The following UNC5D variants were observed in gnomAD, a reference collection of about 807,000 sequenced individuals.
The protein encoded by UNC5D is unc-5 netrin receptor D.
UNC5D carries 39 observed loss-of-function variants against 105.4 expected under a neutral mutation model. The ratio of observed to expected loss-of-function variants is 0.37; its 90% CI spans 0.29 to 0.48. UNC5D has a LOEUF of 0.48. UNC5D is among the 20% of genes least tolerant of loss of function. The pLI is 0.98. For synonymous variants in UNC5D, 452 were observed against 450.4 expected (o/e 1.00, Z -0.04); for missense variants, 991 against 1,202.4 (o/e 0.82, Z 2.60).
intron 4 of UNC5D, among the ~76,000 whole-genome samples, chr8:35,619,811 T>A (rs1821243459): frequency 6.6e-6 from 1 of 152,234 alleles, no homozygotes; most frequent in African/African-American, 2.4e-5. Context: ...GTCCCCGGAC[T>A]CCTTATCTTT....
intron 1 of UNC5D, among the ~76,000 whole-genome samples, chr8:35,324,532 ATTG>A (rs1810008545): frequency 6.6e-6 from 1 of 152,150 alleles, no homozygotes; most frequent in African/African-American, 2.4e-5. Flanking sequence ...TACATTTTTT[ATTG>A]TTTTATTGAA....
At chr8:35,590,693 G>C (rs1442613349) in intron 3 of UNC5D, among the ~76,000 whole-genome samples, 2 of 152,118 alleles carry the variant, frequency 1.3e-5, no homozygotes, top group African/African-American at 2.4e-5. Context: ...CCAGGATTTA[G>C]TCTTAACAAA....
rs1385102195 is a variant in UNC5D, at chr8:35,235,687, A to C, written c.-98A>C. On this transcript the variant is annotated 5_prime_UTR_variant, in exon 1 of 17. Transcript: ENST00000404895. ...CGTGGAGCAGAGTCACTCTCTGAAG[A>C]CTCCCGAGACCCATTCGACTCGGGA... 9.0e-6 allele frequency: 8 copies of C among 889,242 alleles called. No homozygotes were observed. The highest frequency in any genetic ancestry group is 1.2e-5 in the Non-Finnish European group (8 of 677,384). 55.1% of individuals were successfully genotyped at this position (889,242 alleles called of 1,614,324 possible).
intron 1 of UNC5D, among the ~76,000 whole-genome samples, chr8:35,440,000 G>C (rs1000511170): frequency 1.3e-5 from 2 of 151,948 alleles, no homozygotes; most frequent in Non-Finnish European, 2.9e-5. Flanking sequence ...AGATGTAAAG[G>C]TCACAAAACA....
chr8:35,590,077 T>C (rs35792503), intron 3 of UNC5D, among the ~76,000 whole-genome samples: 52 of 152,148 alleles, frequency 3.4e-4, no homozygotes, highest in Non-Finnish European at 6.9e-4. Context: ...GATTTGGTCC[T>C]TTTAGATATT....
chr8:35,377,554 A>G (rs1802775491), intron 1 of UNC5D, among the ~76,000 whole-genome samples: 1 of 152,160 alleles, frequency 6.6e-6, no homozygotes, highest in Non-Finnish European at 1.5e-5. Flanking sequence ...CTTCCTGCTG[A>G]GCAGGCTGGG....
At chr8:35,687,601 C>G (rs1166737782) in intron 7 of UNC5D, among the ~76,000 whole-genome samples, 1 of 152,084 alleles carries the variant, frequency 6.6e-6, no homozygotes, top group Non-Finnish European at 1.5e-5. Flanking sequence ...ATTACCATCA[C>G]CAAGGGACTG....
intron 1 of UNC5D, among the ~76,000 whole-genome samples, chr8:35,327,630 T>TG (rs67434887): frequency 3.4e-4 from 51 of 152,106 alleles, no homozygotes; most frequent in African/African-American, 9.2e-4. Context: ...TTATCTGTTG[T>TG]GGGGGGGGGA....
intron 15 of UNC5D, among the ~76,000 whole-genome samples, chr8:35,770,640 A>G (rs1801969144): frequency 6.6e-6 from 1 of 152,232 alleles, no homozygotes; most frequent in South Asian, 2.1e-4. Flanking sequence ...CTGGAATAAA[A>G]CAATTTTGCA....
At chr8:35,776,113 T>C (rs945586552) in intron 16 of UNC5D, among the ~76,000 whole-genome samples, 1 of 152,120 alleles carries the variant, frequency 6.6e-6, no homozygotes, top group African/African-American at 2.4e-5. Flanking sequence ...TATAACACGG[T>C]TAAAAAAGAA....
At chr8:35,636,085 C>T (rs1822352144) in intron 4 of UNC5D, among the ~76,000 whole-genome samples, 1 of 152,164 alleles carries the variant, frequency 6.6e-6, no homozygotes, top group African/African-American at 2.4e-5. Flanking sequence ...TATTTTTGCT[C>T]ATCATTAAGA....
In UNC5D at chr8:35,422,257, A is replaced by C. The variant is rs867523760; in HGVS notation, c.104-127035A>C. Among the ~76,000 whole-genome samples the C allele has an allele frequency of 1.3e-5, 2 of 152,212 alleles. 1 individual carries two copies. The highest frequency in any genetic ancestry group is 4.8e-5 in the African/African-American group (2 of 41,462). On this transcript the variant is annotated intron_variant, in intron 1 of 16. Transcript: ENST00000404895. The stretch of plus-strand genomic sequence containing the variant: ...TTAATGGGACTCTCTGGAAACACCA[A>C]CACCAAAGAACGTGCTAATAAAAAC...
chr8:35,364,152 C>T (rs553125084), intron 1 of UNC5D, among the ~76,000 whole-genome samples: 12 of 152,112 alleles, frequency 7.9e-5, no homozygotes, highest in South Asian at 2.1e-4. Flanking sequence ...GGTGACAGAG[C>T]GAGACTTTGT....
At chr8:35,327,868 G>A (rs1810294942) in intron 1 of UNC5D, among the ~76,000 whole-genome samples, 1 of 152,190 alleles carries the variant, frequency 6.6e-6, no homozygotes, top group Non-Finnish European at 1.5e-5. Context: ...GATGTTTGAG[G>A]TGGCAGCTGT....
At chr8:35,549,535 C>A in intron 2 of UNC5D, 25 bp downstream of exon 2, 6 of 1,600,276 alleles carry the variant, frequency 3.7e-6, no homozygotes, top group Non-Finnish European at 5.1e-6. Context: ...CAGTCAGAAG[C>A]AGCTGTGGTG....
intron 1 of UNC5D, among the ~76,000 whole-genome samples, chr8:35,355,058 C>T (rs766412798): frequency 9.9e-5 from 15 of 152,070 alleles, no homozygotes; most frequent in East Asian, 3.9e-4. Flanking sequence ...ACTTGACTGG[C>T]GAATTGGCAT....
At chr8:35,610,748 C>A (rs1820617460) in intron 4 of UNC5D, among the ~76,000 whole-genome samples, 4 of 152,024 alleles carry the variant, frequency 2.6e-5, no homozygotes, top group Admixed American at 2.6e-4. Flanking sequence ...CAAAACAGGC[C>A]CCAAATTTAC....
rs553083528 is a variant in UNC5D, at chr8:35,702,330, C to T, written c.1085-3599C>T. ...CCACACAGATCCCAGATATGTTGCC[C>T]GAAAGTGATCATGATCACAAAAACC... On this transcript the variant is annotated intron_variant, in intron 7 of 16. Transcript: ENST00000404895. Among the ~76,000 whole-genome samples, 50 of 152,004 alleles carry T rather than the reference C, an allele frequency of 3.3e-4. 1 individual carries two copies. Among genetic ancestry groups the T allele is most frequent in the Admixed American group, 1.3e-3 (20 of 15,262 alleles).
intron 10 of UNC5D, 105 bp from the exon 11 acceptor site, chr8:35,730,907 A>T (rs769674727): frequency 1.1e-6 from 1 of 925,458 alleles, no homozygotes; most frequent in Non-Finnish European, 1.7e-6. Context: ...ATAAATTGCC[A>T]TGAGAAAGTA....
Sources: gnomAD v4.1 joint callset for allele counts (sites outside exome capture counted in the v4.1 genomes callset) on GRCh38, gnomAD v4.1.1 for gene constraint, MANE v1.5 for transcripts, NCBI Gene and HGNC (gene_info 2026-07-23, HGNC 2026-07-21) for gene names.